Variants in FRMD4A observed in about 807,000 individuals in gnomAD.
The protein encoded by FRMD4A is FERM domain containing 4A.
Under a neutral mutation model 129.1 loss-of-function variants are expected in FRMD4A, and 29 were observed. That is an observed-to-expected ratio of 0.22 (90% CI 0.17 to 0.31). The LOEUF (loss-of-function observed/expected upper bound fraction) is 0.31, where lower values mean the gene tolerates loss of function less well. FRMD4A is among the 10% of genes least tolerant of loss of function. The probability of loss-of-function intolerance (pLI) is 1.00; values close to 1 mark genes in which losing one functional copy is unlikely to be tolerated. For synonymous variants in FRMD4A, 634 were observed against 571.6 expected, an observed-to-expected ratio of 1.11 and a Z score of -1.56; for missense variants, 1,272 against 1,375.8, an observed-to-expected ratio of 0.92 and a Z score of 1.19.
intron 2 of FRMD4A, among the ~76,000 whole-genome samples, chr10:14,081,407 C>G (rs903663891): frequency 6.6e-6 from 1 of 152,176 alleles, no homozygotes; most frequent in Non-Finnish European, 1.5e-5. Context: ...GATGGAAGAA[C>G]AGACAACAAA....
rs539798157 is a variant in FRMD4A, at chr10:14,277,615, G to A, written c.45+52443C>T. 1.1e-4 allele frequency among the ~76,000 whole-genome samples: 17 copies of A among 152,290 alleles called. No individual in the cohort carries two copies. The South Asian group carries it at 1.2e-3, about 11-fold the overall frequency. On this transcript the variant is annotated intron_variant, in intron 2 of 24. Transcript: ENST00000357447. ...AGCACTTACTTTGTTATAGCAGCCC[G>A]AACAAACCAAGACAGAGAAGTGAGG... is the stretch of plus-strand genomic sequence containing the variant.
chr10:14,199,542 A>G (rs1842572174), intron 2 of FRMD4A, among the ~76,000 whole-genome samples: 2 of 151,814 alleles, frequency 1.3e-5, no homozygotes, highest in Non-Finnish European at 2.9e-5. Context: ...GGCACCCACC[A>G]CCACGTCTGG....
intron 2 of FRMD4A, among the ~76,000 whole-genome samples, chr10:14,253,848 C>T (rs560418470): frequency 3.3e-5 from 5 of 152,278 alleles, no homozygotes; most frequent in African/African-American, 1.2e-4. Context: ...AAGAATCTTG[C>T]TTGGCAGGTA....
At chr10:14,309,232 T>C (rs1167677559) in intron 2 of FRMD4A, among the ~76,000 whole-genome samples, 1 of 152,138 alleles carries the variant, frequency 6.6e-6, no homozygotes, top group Non-Finnish European at 1.5e-5. Flanking sequence ...AGAGGATCAC[T>C]TGAGCTCAGG....
At position 14,049,225 on chromosome 10, in the gene FRMD4A, T is replaced by C. The variant is rs532307128; in HGVS notation, c.46-190313A>G. 3.0e-4 allele frequency among the ~76,000 whole-genome samples: 45 copies of C among 151,334 alleles called. 1 individual carries two copies. The South Asian group carries it at 8.9e-3, about 30-fold the overall frequency. ...TACCTTTTTCAGATAAAAATGAAGA[T>C]GGTAATAAACAGAGCAATTAAACCG... On this transcript the variant is annotated intron_variant, in intron 2 of 24. Coordinates refer to ENST00000357447, the MANE Select transcript of FRMD4A (RefSeq NM_018027.5).
At chr10:13,868,611 T>C (rs2094402965) in intron 2 of FRMD4A, among the ~76,000 whole-genome samples, 1 of 152,160 alleles carries the variant, frequency 6.6e-6, no homozygotes, top group East Asian at 1.9e-4. Context: ...GAGACCTGCC[T>C]GGGCAACATG....
Position 13,762,688 on chromosome 10 carries a change from GA to G in FRMD4A, c.385-9del. On this transcript the variant is annotated splice_polypyrimidine_tract_variant and intron_variant, in intron 6 of 24. Transcript: ENST00000357447. ...GTCAACGTCAATAAGCTCCTGAAAG[GA>G]AAAAGCAACAAACGAAGACAAGTTT... 1.9e-6 allele frequency: 3 copies of G among 1,593,320 alleles called. No homozygotes were observed. Among genetic ancestry groups the G allele is most frequent in the Non-Finnish European group, 2.6e-6 (3 of 1,162,206 alleles).
At chr10:14,064,846 G>T (rs1209252556) in intron 2 of FRMD4A, among the ~76,000 whole-genome samples, 2 of 152,088 alleles carry the variant, frequency 1.3e-5, no homozygotes, top group Non-Finnish European at 2.9e-5. Context: ...CCAAAGTGCT[G>T]GGAGTAAAGG....
chr10:13,974,406 G>A (rs556446612), intron 2 of FRMD4A, among the ~76,000 whole-genome samples: 5 of 152,264 alleles, frequency 3.3e-5, no homozygotes, highest in East Asian at 1.9e-4. Flanking sequence ...GACACCAGCA[G>A]CAGACGCCTG....
rs145291404 is a variant in FRMD4A, at chr10:14,178,066, C to T, written c.45+151992G>A. Reference sequence around the variant, plus strand: ...CACAATTCCCTTACCCCCTGCCCTACGAGGGAAGTACTATTCTTACTGCTA... The same window carrying T: ...CACAATTCCCTTACCCCCTGCCCTATGAGGGAAGTACTATTCTTACTGCTA... On this transcript the variant is annotated intron_variant, in intron 2 of 24. Transcript: ENST00000357447. Among the ~76,000 whole-genome samples, 81 of 152,240 alleles carry T rather than the reference C, an allele frequency of 5.3e-4. 1 individual carries two copies. Among genetic ancestry groups the T allele is most frequent in the African/African-American group, 1.3e-3 (52 of 41,554 alleles).
chr10:14,092,662 G>A (rs1272237041), intron 2 of FRMD4A, among the ~76,000 whole-genome samples: 2 of 152,240 alleles, frequency 1.3e-5, no homozygotes, highest in Non-Finnish European at 2.9e-5. Context: ...GGGATACATC[G>A]TGGTGACCCA....
rs541606935 is a variant in FRMD4A, at chr10:13,855,328, AG to A, written c.111+3518del. The stretch of plus-strand genomic sequence containing the variant: ...CTTTCTCGCCCAACACTGATGCCAT[AG>A]AAGCTCCTCTGTGTCTGAAGATCTG... On this transcript the variant is annotated intron_variant, in intron 3 of 24. Coordinates refer to ENST00000357447, the MANE Select transcript of FRMD4A (RefSeq NM_018027.5). 2.0e-3 allele frequency among the ~76,000 whole-genome samples: 310 copies of A among 152,296 alleles called. 3 individuals carry two copies. The highest frequency in any genetic ancestry group is 7.3e-3 in the African/African-American group (304 of 41,560).
At chr10:14,054,998 T>A (rs545667896) in intron 2 of FRMD4A, among the ~76,000 whole-genome samples, 51 of 152,288 alleles carry the variant, frequency 3.3e-4, no homozygotes, top group Non-Finnish European at 3.4e-4. Flanking sequence ...GTCTCAGGTA[T>A]GTCCTTATAG....
At chr10:14,098,402 T>C (rs1052668426) in intron 2 of FRMD4A, among the ~76,000 whole-genome samples, 5 of 151,412 alleles carry the variant, frequency 3.3e-5, no homozygotes, top group South Asian at 2.1e-4. Context: ...TCTTTTTTTC[T>C]TTCTTTTCTT....
At position 13,698,361 on chromosome 10, in the gene FRMD4A, C is replaced by G. The variant is rs185071205; in HGVS notation, c.975+2979G>C. 3.9e-5 allele frequency among the ~76,000 whole-genome samples: 6 copies of G among 152,238 alleles called. No individual in the cohort carries two copies. In the East Asian group the frequency reaches 1.2e-3, roughly 29 times the overall value. ...TAGAGTGTGAGCAGTGGCCAGGATA[C>G]CAGCCAGAACTGGCTGCCTAGAAAT... On this transcript the variant is annotated intron_variant, in intron 14 of 24. Coordinates refer to ENST00000357447, the MANE Select transcript of FRMD4A (RefSeq NM_018027.5).
At chr10:14,330,529 G>A (rs759766242) in intron 1 of FRMD4A, 68 bp downstream of exon 1, 2 of 407,382 alleles carry the variant, frequency 4.9e-6, no homozygotes, top group African/African-American at 2.0e-5. Context: ...CAAGCAGCCC[G>A]AGCCACCCCC....
chr10:13,989,395 C>T (rs970345592), intron 2 of FRMD4A, among the ~76,000 whole-genome samples: 7 of 152,050 alleles, frequency 4.6e-5, no homozygotes, highest in African/African-American at 1.7e-4. Context: ...CTCGCTCTGT[C>T]GCCAGGCTGG....
At chr10:13,750,149 A>AAAGAAAGG (rs1564739697) in intron 8 of FRMD4A, among the ~76,000 whole-genome samples, 3 of 148,852 alleles carry the variant, frequency 2.0e-5, no homozygotes, top group South Asian at 2.2e-4. Context: ...AGAAAGAAAG[A>AAAGAAAGG]AAAGAGAGAA....
intron 9 of FRMD4A, among the ~76,000 whole-genome samples, chr10:13,741,775 G>GC (rs972388563): frequency 1.5e-4 from 23 of 152,038 alleles, no homozygotes; most frequent in African/African-American, 4.8e-4. Flanking sequence ...AGCAACAAAA[G>GC]CCCCATAGGA....
Sources: gnomAD v4.1 joint callset for allele counts (sites outside exome capture counted in the v4.1 genomes callset) on GRCh38, gnomAD v4.1.1 for gene constraint, MANE v1.5 for transcripts, NCBI Gene and HGNC (gene_info 2026-07-23, HGNC 2026-07-21) for gene names.